TXLNB: variants seen among roughly 807,000 people sequenced by gnomAD.
TXLNB encodes the protein taxilin beta, also known as beta-taxilin.
Under a neutral mutation model 57.4 loss-of-function variants are expected in TXLNB, and 37 were observed. That is an observed-to-expected ratio of 0.64 (90% confidence interval 0.50 to 0.85). The LOEUF (loss-of-function observed/expected upper bound fraction) is 0.85. Ranked by LOEUF, TXLNB falls within the 40% of genes least tolerant of loss-of-function variation. The probability of loss-of-function intolerance (pLI) is 0.00; values close to 1 mark genes in which losing one functional copy is unlikely to be tolerated. For synonymous variants in TXLNB, 302 were observed against 309.6 expected (o/e 0.98, Z 0.26); for missense variants, 848 against 825.6 (o/e 1.03, Z -0.33).
chr6:139,236,857 C>T (rs1775841716), downstream of TXLNB, among the ~76,000 whole-genome samples: 1 of 152,074 alleles, frequency 6.6e-6, no homozygotes. Flanking sequence ...TCCTGATCCA[C>T]CCACCTTGGC....
intron 7 of TXLNB, among the ~76,000 whole-genome samples, chr6:139,248,658 T>C (rs1776124724): frequency 6.6e-6 from 1 of 152,174 alleles, no homozygotes; most frequent in Admixed American, 6.5e-5. Context: ...GGGAAGACCA[T>C]CTCAAAGACA....
At chr6:139,248,123 C>G (rs918321163) in intron 7 of TXLNB, among the ~76,000 whole-genome samples, 1 of 152,120 alleles carries the variant, frequency 6.6e-6, no homozygotes, top group Non-Finnish European at 1.5e-5. Flanking sequence ...GCCTGTAATG[C>G]CAGCACTTTG....
the TXLNB span, among the ~76,000 whole-genome samples, chr6:139,210,274 A>G: frequency 1.5e-4 from 23 of 152,350 alleles, no homozygotes; most frequent in African/African-American, 5.3e-4. Flanking sequence ...AATGTAAACT[A>G]GTTCAACCAC....
chr6:139,195,419 T>A, the TXLNB span, among the ~76,000 whole-genome samples: 1 of 152,216 alleles, frequency 6.6e-6, no homozygotes, highest in Non-Finnish European at 1.5e-5. Flanking sequence ...GTGTGCCACA[T>A]ATTTTTATTT....
the TXLNB span, among the ~76,000 whole-genome samples, chr6:139,184,540 T>G: frequency 5.3e-5 from 8 of 152,228 alleles, no homozygotes; most frequent in Non-Finnish European, 1.2e-4. Flanking sequence ...CTGTTCTCTT[T>G]TGTTAAGATA....
At chr6:139,210,704 C>A in the TXLNB span, among the ~76,000 whole-genome samples, 1 of 152,238 alleles carries the variant, frequency 6.6e-6, no homozygotes, top group Admixed American at 6.5e-5. Flanking sequence ...CCGGGAAGTG[C>A]AAGGGGTCAG....
At chr6:139,218,926 TG>T in the TXLNB span, among the ~76,000 whole-genome samples, 4 of 152,278 alleles carry the variant, frequency 2.6e-5, no homozygotes, top group Non-Finnish European at 4.4e-5. Context: ...ATACTCTCTG[TG>T]GTGTAAATTG....
the TXLNB span, among the ~76,000 whole-genome samples, chr6:139,226,798 C>T: frequency 4.0e-5 from 6 of 151,592 alleles, no homozygotes; most frequent in Admixed American, 3.3e-4. Flanking sequence ...GAGGCTGAGG[C>T]AGGCAGATCA....
the TXLNB span, among the ~76,000 whole-genome samples, chr6:139,198,856 G>A: frequency 6.6e-6 from 1 of 152,148 alleles, no homozygotes; most frequent in Non-Finnish European, 1.5e-5. Context: ...TAACCCCAGG[G>A]AGCGTCATCA....
At chr6:139,186,604 C>T in the TXLNB span, among the ~76,000 whole-genome samples, 1 of 152,192 alleles carries the variant, frequency 6.6e-6, no homozygotes, top group Non-Finnish European at 1.5e-5. Context: ...TATGTCCCAT[C>T]CATTCCACTC....
chr6:139,234,233 TG>T, the TXLNB span: 2 of 152,178 alleles, frequency 1.3e-5, no homozygotes, highest in East Asian at 1.9e-4. Context: ...AAACCCATTT[TG>T]GGGGGAGAAA....
chr6:139,271,897 GA>G lies in TXLNB; in HGVS notation c.517-1272del, dbSNP rs1465345706. On this transcript the variant is annotated intron_variant, in intron 3 of 9. Transcript: ENST00000358430. ...CTAATAACGACTTTGTTGGTGAACGGAAAGGAAAAGCCCTGGTTCTTCTGGA... is the reference window on the plus strand; with the variant it reads ...CTAATAACGACTTTGTTGGTGAACGGAAGGAAAAGCCCTGGTTCTTCTGGA... 8.5e-5 allele frequency: 13 copies of G among 152,488 alleles called. 1 individual carries two copies. The highest frequency in any genetic ancestry group is 3.1e-4 in the African/African-American group (13 of 41,568). The allele number at this position is 152,488 out of a possible 1,614,324, so 9.4% of individuals were successfully genotyped here. A position where few individuals can be genotyped will look rare whatever the true frequency, so the allele number is the denominator to read the frequency against.
intron 1 of TXLNB, 69 bp from the exon 2 acceptor site, chr6:139,288,982 G>A: frequency 8.5e-7 from 1 of 1,173,014 alleles, no homozygotes; most frequent in Non-Finnish European, 1.2e-6. Flanking sequence ...ACATTTCAAT[G>A]GTAAGGATAT....
At chr6:139,315,892 G>A in the TXLNB span, among the ~76,000 whole-genome samples, 3 of 151,876 alleles carry the variant, frequency 2.0e-5, no homozygotes, top group African/African-American at 4.8e-5. Context: ...TAGACACAGA[G>A]AACTTATAAA....
the TXLNB span, among the ~76,000 whole-genome samples, chr6:139,299,464 C>A: frequency 6.6e-6 from 1 of 152,204 alleles, no homozygotes. Flanking sequence ...ATAGTCCCAA[C>A]TTTGAAGTCC....
At chr6:139,306,851 C>G in the TXLNB span, among the ~76,000 whole-genome samples, 1 of 152,176 alleles carries the variant, frequency 6.6e-6, no homozygotes, top group Non-Finnish European at 1.5e-5. Flanking sequence ...TTATCATGTT[C>G]TTGACTCTCA....
At chr6:139,294,919 A>T (rs1207961830), upstream of TXLNB, among the ~76,000 whole-genome samples, 1 of 151,920 alleles carries the variant, frequency 6.6e-6, no homozygotes, top group Non-Finnish European at 1.5e-5. Flanking sequence ...AACCCAGGAG[A>T]CAGAGGTTGC....
At chr6:139,322,647 G>C in the TXLNB span, among the ~76,000 whole-genome samples, 1 of 152,076 alleles carries the variant, frequency 6.6e-6, no homozygotes, top group Non-Finnish European at 1.5e-5. Context: ...AGTCCCATTA[G>C]TTCTATCCTC....
intron 2 of TXLNB, among the ~76,000 whole-genome samples, chr6:139,280,668 C>G (rs1008448754): frequency 7.2e-6 from 1 of 137,966 alleles, no homozygotes; most frequent in Non-Finnish European, 1.6e-5. Flanking sequence ...TGCCTTTTCT[C>G]TTCCAAAATT....
Sources: gnomAD v4.1 joint callset for allele counts (sites outside exome capture counted in the v4.1 genomes callset) on GRCh38, gnomAD v4.1.1 for gene constraint, MANE v1.5 for transcripts, NCBI Gene and HGNC (gene_info 2026-07-23, HGNC 2026-07-21) for gene names.